The following ARHGEF9 variants were observed in gnomAD, a reference collection of about 807,000 sequenced individuals.
ARHGEF9 encodes Cdc42 guanine nucleotide exchange factor 9, also known as rho guanine nucleotide exchange factor 9.
In ARHGEF9, 2 loss-of-function variants were observed where a neutral mutation model predicts 41.3. That is an observed-to-expected ratio of 0.05 (90% CI 0.02 to 0.15). ARHGEF9 has a LOEUF of 0.15. ARHGEF9 is among the 10% of genes least tolerant of loss of function. ARHGEF9 has a pLI of 1.00. For missense variants in ARHGEF9, 225 were observed against 424.7 expected, an observed-to-expected ratio of 0.53 and a Z score of 4.13; for synonymous variants, 160 against 154.4, an observed-to-expected ratio of 1.04 and a Z score of -0.27.
intron 3 of ARHGEF9, among the ~76,000 whole-genome samples, chrX:63,701,075 C>T (rs1273305304): frequency 9.0e-6 from 1 of 111,688 alleles, no homozygotes; most frequent in Non-Finnish European, 1.9e-5. Context: ...GTTCTTAAAC[C>T]CACCAGGGCT....
intron 1 of ARHGEF9, among the ~76,000 whole-genome samples, chrX:63,753,902 C>A (rs2055813210): frequency 8.9e-6 from 1 of 111,817 alleles, no homozygotes; most frequent in African/African-American, 3.3e-5. Context: ...TTCCCTAAAT[C>A]CATTCCTTGC....
At chrX:63,655,459 A>C (rs1169438729) in intron 8 of ARHGEF9, 35 bp downstream of exon 8, 11 of 1,208,196 alleles carry the variant, frequency 9.1e-6, no homozygotes, top group Non-Finnish European at 1.2e-5. Context: ...TGTTCTTCAT[A>C]GCCATGTTCT....
intron 9 of ARHGEF9, among the ~76,000 whole-genome samples, chrX:63,643,473 C>T (rs2047779085): frequency 9.1e-6 from 1 of 109,429 alleles, no homozygotes; most frequent in African/African-American, 3.3e-5. Context: ...ATTCTCCTGC[C>T]TCAATCTCCC....
intron 1 of ARHGEF9, among the ~76,000 whole-genome samples, chrX:63,783,445 G>C (rs1441076332): frequency 9.0e-6 from 1 of 110,696 alleles, no homozygotes; most frequent in African/African-American, 3.3e-5. Flanking sequence ...TAGTAGAGAC[G>C]GGGTTTCTCC....
chrX:63,715,470 G>C (rs1402165778), intron 2 of ARHGEF9, among the ~76,000 whole-genome samples: 4 of 111,673 alleles, frequency 3.6e-5, no homozygotes, highest in African/African-American at 1.3e-4. Context: ...CTTCAGGATG[G>C]TGATGTGGCA....
chrX:63,671,053 C>T (rs1446497842), intron 6 of ARHGEF9, among the ~76,000 whole-genome samples: 1 of 112,495 alleles, frequency 8.9e-6, no homozygotes, highest in African/African-American at 3.2e-5. Flanking sequence ...CTGAAGGTTT[C>T]CCCTATGACT....
In ARHGEF9 at chrX:63,757,000, C is replaced by T. The variant is rs1394286232; in HGVS notation, c.30+28116G>A. Among the ~76,000 whole-genome samples, 3 of 112,014 alleles carry T rather than the reference C, an allele frequency of 2.7e-5. No individual in the cohort carries two copies. The East Asian group carries it at 8.4e-4, about 31-fold the overall frequency. ...TCTTTACCTTTCGTAACTTTTCTCC[C>T]ATTTGACTCCACTGATGCCTTCCTC... is the stretch of plus-strand genomic sequence containing the variant. On this transcript the variant is annotated intron_variant, in intron 1 of 9. Coordinates refer to ENST00000671741, the MANE Select transcript of ARHGEF9 (RefSeq NM_001353921.2).
At chrX:63,677,629 G>A (rs1444621496) in intron 5 of ARHGEF9, among the ~76,000 whole-genome samples, 1 of 111,364 alleles carries the variant, frequency 9.0e-6, no homozygotes, top group East Asian at 2.8e-4. Flanking sequence ...GACACTGCCT[G>A]AGCTACTCTA....
intron 7 of ARHGEF9, among the ~76,000 whole-genome samples, chrX:63,664,221 C>T (rs190194273): frequency 1.2e-4 from 13 of 112,367 alleles, no homozygotes; most frequent in African/African-American, 2.3e-4. Flanking sequence ...TTCCACTGCC[C>T]GTTGAGTTCT....
intron 7 of ARHGEF9, among the ~76,000 whole-genome samples, chrX:63,661,942 C>T (rs1353728652): frequency 5.4e-5 from 6 of 112,045 alleles, no homozygotes; most frequent in Admixed American, 1.9e-4. Flanking sequence ...AGGCCACATG[C>T]TCATGGAGAG....
intron 8 of ARHGEF9, among the ~76,000 whole-genome samples, chrX:63,653,254 G>A (rs782231475): frequency 9.0e-6 from 1 of 111,529 alleles, no homozygotes; most frequent in African/African-American, 3.3e-5. Context: ...CACAGCTTTA[G>A]CCCATGTCTG....
At chrX:63,646,136 G>C (rs1719023745) in intron 8 of ARHGEF9, among the ~76,000 whole-genome samples, 1 of 111,420 alleles carries the variant, frequency 9.0e-6, no homozygotes, top group Non-Finnish European at 1.9e-5. Context: ...TTAGGCCTTT[G>C]TCAGATGAGT....
At chrX:63,704,539 C>T (rs1424839596) in intron 3 of ARHGEF9, among the ~76,000 whole-genome samples, 1 of 111,292 alleles carries the variant, frequency 9.0e-6, no homozygotes, top group Non-Finnish European at 1.9e-5. Flanking sequence ...TAGCATCAGC[C>T]ATTGATGTGA....
intron 7 of ARHGEF9, among the ~76,000 whole-genome samples, chrX:63,662,366 A>G (rs2049275181): frequency 9.0e-6 from 1 of 111,571 alleles, no homozygotes; most frequent in Non-Finnish European, 1.9e-5. Context: ...GCAGGAGGAC[A>G]CTCTCTGTCC....
intron 7 of ARHGEF9, among the ~76,000 whole-genome samples, chrX:63,664,920 G>A (rs12009726): frequency 0.075 from 8,381 of 111,779 alleles, 607 homozygotes; most frequent in African/African-American, 0.23. Flanking sequence ...CCAGAAAAAT[G>A]TAACACTATT....
At chrX:63,685,327 G>A (rs1204466758) in intron 4 of ARHGEF9, among the ~76,000 whole-genome samples, 3 of 110,704 alleles carry the variant, frequency 2.7e-5, no homozygotes, top group Non-Finnish European at 3.8e-5. Flanking sequence ...CAAAAAAATC[G>A]AAATAAACAG....
At chrX:63,706,668 G>A (rs782517649) in intron 2 of ARHGEF9, among the ~76,000 whole-genome samples, 2 of 111,699 alleles carry the variant, frequency 1.8e-5, no homozygotes, top group African/African-American at 6.5e-5. Context: ...TGTAAATAGA[G>A]TGGAGGGACT....
intron 1 of ARHGEF9, among the ~76,000 whole-genome samples, chrX:63,744,705 A>C (rs2055162000): frequency 8.9e-6 from 1 of 112,010 alleles, no homozygotes; most frequent in Non-Finnish European, 1.9e-5. Context: ...CAAGAGGAGT[A>C]GTTAAGAATC....
intron 8 of ARHGEF9, among the ~76,000 whole-genome samples, chrX:63,649,538 G>T (rs1310211048): frequency 9.0e-6 from 1 of 111,608 alleles, no homozygotes. Context: ...AACTAGAGAA[G>T]CAAGAGCAAA....
Sources: allele counts gnomAD v4.1 joint callset (sites outside exome capture counted in the v4.1 genomes callset), GRCh38; gene constraint gnomAD v4.1.1; transcripts MANE v1.5; gene names NCBI Gene and HGNC (gene_info 2026-07-23, HGNC 2026-07-21).